The following COL6A6 variants were observed in gnomAD, a reference collection of about 807,000 sequenced individuals.
COL6A6 encodes the protein collagen alpha-6(VI) chain.
COL6A6 carries 183 observed loss-of-function variants against 208.6 expected under a neutral mutation model. The ratio of observed to expected loss-of-function variants is 0.88; its 90% confidence interval spans 0.78 to 0.99. The LOEUF is 0.99. Ranked by LOEUF, COL6A6 falls within the 50% of genes least tolerant of loss-of-function variation. COL6A6 has a pLI of 0.00. For synonymous variants in COL6A6, 973 were observed against 1,011.8 expected (o/e 0.96, Z 0.73); for missense variants, 2,816 against 2,815.2 (o/e 1.00, Z -0.01).
chr3:130,586,532 C>G lies in COL6A6; in HGVS notation c.3997C>G (p.Leu1333Val). The G allele has an allele frequency of 2.5e-6, 4 of 1,613,576 alleles. No individual in the cohort carries two copies. The highest frequency in any genetic ancestry group is 2.2e-5 in the South Asian group (2 of 90,960). Reference protein sequence around the residue: ...EGLNALITVALDGPADSSDLA... With the variant: ...EGLNALITVAVDGPADSSDLA... Reference sequence around the variant, plus strand: ...CCTGAATGCCCTCATAACTGTTGCTCTGGATGGACCTGCTGATTCAAGTGA... The same window carrying G: ...CCTGAATGCCCTCATAACTGTTGCTGTGGATGGACCTGCTGATTCAAGTGA... Residue 1333 changes from leucine (L) to valine (V), a missense_variant, in exon 11 of 37, where the codon CTG becomes GTG. Transcript: ENST00000358511.
intron 36 of COL6A6, among the ~76,000 whole-genome samples, chr3:130,669,130 C>T (rs1469248592): frequency 6.6e-6 from 1 of 152,214 alleles, no homozygotes; most frequent in Non-Finnish European, 1.5e-5. Flanking sequence ...CACGGTGGCT[C>T]ACGCCTCTAA....
rs113897444 is a variant in COL6A6, at chr3:130,519,326, C to T, written c.-32+1929C>T. Among the ~76,000 whole-genome samples the T allele has an allele frequency of 7.7e-3, 1,171 of 152,072 alleles. 15 individuals carry two copies. Among genetic ancestry groups the T allele is most frequent in the African/African-American group, 0.027 (1,106 of 41,476 alleles). Reference sequence around the variant, plus strand: ...TCTCTGTCAGTAAATATCCGCTGACCCTGGAATTCCTCAAAAATATGGGTT... The same window carrying T: ...TCTCTGTCAGTAAATATCCGCTGACTCTGGAATTCCTCAAAAATATGGGTT... On this transcript the variant is annotated intron_variant, in intron 1 of 36. Transcript: ENST00000358511.
chr3:130,574,723 C>T (rs910028621), intron 8 of COL6A6, among the ~76,000 whole-genome samples, 198 bp downstream of exon 8: 5 of 152,190 alleles, frequency 3.3e-5, no homozygotes, highest in South Asian at 2.1e-4. Flanking sequence ...ATCCTGTGCC[C>T]TTTTTTCTCC....
intron 1 of COL6A6, among the ~76,000 whole-genome samples, chr3:130,557,270 C>A (rs905089707): frequency 1.3e-5 from 2 of 152,152 alleles, no homozygotes; most frequent in Non-Finnish European, 2.9e-5. Flanking sequence ...TTTTGTAATT[C>A]CAGAAAATGC....
At chr3:130,637,887 T>C (rs1194378029) in intron 28 of COL6A6, among the ~76,000 whole-genome samples, 1 of 152,198 alleles carries the variant, frequency 6.6e-6, no homozygotes, top group East Asian at 1.9e-4. Flanking sequence ...ATCAGCACTG[T>C]TGACATTTTG....
intron 20 of COL6A6, among the ~76,000 whole-genome samples, chr3:130,600,998 T>A (rs2063999477): frequency 6.6e-6 from 1 of 152,226 alleles, no homozygotes; most frequent in Admixed American, 6.5e-5. Context: ...GTTTTTTATT[T>A]TATTTGTTAT....
intron 34 of COL6A6, among the ~76,000 whole-genome samples, chr3:130,660,609 G>C (rs1196582842): frequency 1.3e-5 from 2 of 152,226 alleles, no homozygotes; most frequent in African/African-American, 4.8e-5. Flanking sequence ...TGTCAGCCCT[G>C]AAAGGGGTCT....
At chr3:130,673,463 C>T (rs1043222379) in intron 36 of COL6A6, among the ~76,000 whole-genome samples, 1 of 127,628 alleles carries the variant, frequency 7.8e-6, no homozygotes, top group Non-Finnish European at 1.6e-5. Flanking sequence ...ACGGAAAAGG[C>T]GGGGAGGTGG....
chr3:130,593,089 G>A lies in COL6A6; in HGVS notation c.4400G>A (p.Gly1467Glu), dbSNP rs763083321. ...EGEVGENGID[G>E]LNGEQGDNGL... Reference sequence around the variant, plus strand: ...GAAGTTGGGGAAAATGGAATTGACGGATTAAACGGAGAACAGGTAGAGCCT... The same window carrying A: ...GAAGTTGGGGAAAATGGAATTGACGAATTAAACGGAGAACAGGTAGAGCCT... The change falls in exon 16 of 37, where the codon GGA becomes GAA. Residue 1467 changes from glycine to glutamate, a missense_variant. By Grantham distance (98) the Gly-to-Glu change is moderately conservative. Transcript: ENST00000358511. 9.9e-6 allele frequency: 16 copies of A among 1,613,570 alleles called. No homozygotes were observed. In the Admixed American group the frequency reaches 2.5e-4, roughly 25 times the overall value.
chr3:130,598,295 A>T, intron 18 of COL6A6, 70 bp from the exon 19 acceptor site: 1 of 1,050,122 alleles, frequency 9.5e-7, no homozygotes, highest in Non-Finnish European at 1.4e-6. Flanking sequence ...GCTAAGTGTT[A>T]TACATAAGTT....
intron 33 of COL6A6, 38 bp downstream of exon 33, chr3:130,649,600 T>A (rs762700168): frequency 6.6e-7 from 1 of 1,509,980 alleles, no homozygotes; most frequent in Non-Finnish European, 8.9e-7. Flanking sequence ...AATTCTTACT[T>A]ATCTTGCCTG....
chr3:130,587,576 A>G (rs539473346), intron 11 of COL6A6, among the ~76,000 whole-genome samples: 1 of 152,396 alleles, frequency 6.6e-6, no homozygotes, highest in Non-Finnish European at 1.5e-5. Context: ...ACGAGAATTC[A>G]AACTCAAGTG....
chr3:130,543,098 G>C (rs1047655847), intron 1 of COL6A6, among the ~76,000 whole-genome samples: 2 of 151,884 alleles, frequency 1.3e-5, no homozygotes, highest in East Asian at 3.9e-4. Flanking sequence ...TAGAGACAGG[G>C]TTTCACCATG....
At position 130,626,575 on chromosome 3, in the gene COL6A6, G is replaced by A. The variant is rs746934369; in HGVS notation, c.4941+28G>A. On this transcript the variant is annotated intron_variant, in intron 25 of 36. Coordinates refer to ENST00000358511, the MANE Select transcript of COL6A6 (RefSeq NM_001102608.3). ...TTGTATTTTGACACTAGTTTTGATC[G>A]GATTCTTGGAATCTTTTAGTTCAGT... is the stretch of plus-strand genomic sequence containing the variant. The A allele has an allele frequency of 3.7e-5, 58 of 1,552,426 alleles. 1 individual carries two copies. The South Asian group carries it at 4.3e-4, about 12-fold the overall frequency.
chr3:130,664,471 A>G (rs1463125425), intron 35 of COL6A6, among the ~76,000 whole-genome samples: 1 of 152,174 alleles, frequency 6.6e-6, no homozygotes, highest in African/African-American at 2.4e-5. Flanking sequence ...CCCATCAAAA[A>G]TGGCTTTTAA....
Position 130,649,578 on chromosome 3 carries a change from C to T in COL6A6, c.5733+16C>T, listed in dbSNP as rs1247669318. 6 of 1,547,992 alleles carry T rather than the reference C, an allele frequency of 3.9e-6. No individual in the cohort carries two copies. In the African/African-American group the frequency reaches 8.1e-5, roughly 21 times the overall value. On this transcript the variant is annotated intron_variant, in intron 33 of 36. Transcript: ENST00000358511. ...CGCATTTGCGGTATGAGGATGAAAC[C>T]TTTCACATGACAATTCTTACTTATC... is the stretch of plus-strand genomic sequence containing the variant.
chr3:130,662,153 TTG>T lies in COL6A6; in HGVS notation c.6351_6352del (p.Ser2119ProfsTer7). The T allele has an allele frequency of 6.2e-7, 1 of 1,613,978 alleles. No individual in the cohort carries two copies. The highest frequency in any genetic ancestry group is 8.5e-7 in the Non-Finnish European group (1 of 1,179,866). On this transcript the variant is annotated frameshift_variant, in exon 35 of 37. Coordinates refer to ENST00000358511, the MANE Select transcript of COL6A6 (RefSeq NM_001102608.3). LOFTEE classifies it high-confidence loss of function. ...GCCAAATGTCAGGGATATGCCTTAT[TTG>T]TGTTTTCCCTTGGCCCTATTTGGGA...
rs1228412341 is a variant in COL6A6 at position 130,665,041 on chromosome 3, A to C, written c.6541A>C (p.Lys2181Gln). ...NKYPPINLKI[K>Q]CNRLNSIDPK... ...ATATCCACCAATAAACTTAAAAATA[A>C]AGTGCAACAGACTTAACTCTATAGA... Residue 2181 changes from lysine (K) to glutamine (Q), a missense_variant, in exon 36 of 37, where the codon AAG becomes CAG. Transcript: ENST00000358511. 6.2e-7 allele frequency: 1 copy of C among 1,609,818 alleles called. No homozygotes were observed. Among genetic ancestry groups the C allele is most frequent in the African/African-American group, 1.3e-5 (1 of 74,936 alleles).
At chr3:130,592,512 AG>A (rs755832549) in intron 13 of COL6A6, 28 bp from the exon 14 acceptor site, 1 of 1,531,694 alleles carries the variant, frequency 6.5e-7, no homozygotes, top group African/African-American at 1.4e-5. Context: ...CAATAGAAAA[AG>A]CTCATTTGGA....
Sources: allele counts gnomAD v4.1 joint callset (sites outside exome capture counted in the v4.1 genomes callset), GRCh38; gene constraint gnomAD v4.1.1; transcripts MANE v1.5; gene names NCBI Gene and HGNC (gene_info 2026-07-23, HGNC 2026-07-21).